The following CCNB1 variants were observed in gnomAD, a reference collection of about 807,000 sequenced individuals.
The protein encoded by CCNB1 is G2/mitotic-specific cyclin-B1.
CCNB1 carries 26 observed loss-of-function variants against 44.4 expected under a neutral mutation model. The ratio of observed to expected loss-of-function variants is 0.59; its 90% CI spans 0.43 to 0.81. CCNB1 has a LOEUF of 0.81. Ranked by LOEUF, CCNB1 falls within the 40% of genes least tolerant of loss-of-function variation. The pLI is 0.00. For missense variants in CCNB1, 477 were observed against 520.9 expected, an observed-to-expected ratio of 0.92 and a Z score of 0.82; for synonymous variants, 195 against 181.4, an observed-to-expected ratio of 1.08 and a Z score of -0.60.
At position 69,178,227 on chromosome 5, in the gene CCNB1, ACAATACT is replaced by A. The variant is rs1421906257; in HGVS notation, c.*600_*606del. Reference sequence around the variant, plus strand: ...TTGGTTTTGTGTTTTGGTTAATAAAACAATACTCAAATACAAAAGGTATCTTTTTTAA... The same window carrying A: ...TTGGTTTTGTGTTTTGGTTAATAAAACAAATACAAAAGGTATCTTTTTTAA... On this transcript the variant is annotated 3_prime_UTR_variant, in exon 9 of 9. Transcript: ENST00000256442. 9 of 151,914 alleles carry A rather than the reference ACAATACT, an allele frequency of 5.9e-5. No homozygotes were observed. The highest frequency in any genetic ancestry group is 1.3e-4 in the Non-Finnish European group (9 of 68,034). The allele number at this position is 151,914 out of a possible 1,614,324, so 9.4% of individuals were successfully genotyped here. A position where few individuals can be genotyped will look rare whatever the true frequency, so the allele number is the denominator to read the frequency against.
chr5:69,167,274 A>C lies in CCNB1; in HGVS notation c.12A>C (p.Arg4=). ...GTGAAGAGGAAGCCATGGCGCTCCG[A>C]GTCACCAGGGTGAGCCGCTTCGGAC... The part of the protein sequence containing the change: MAL[R]VTRNSKINAE... Residue 4 remains arginine (R), a synonymous_variant, in exon 1 of 9, where the codon CGA becomes CGC. Transcript: ENST00000256442. 6.3e-7 allele frequency: 1 copy of C among 1,579,876 alleles called. No individual in the cohort carries two copies. Among genetic ancestry groups the C allele is most frequent in the East Asian group, 2.3e-5 (1 of 43,190 alleles).
intron 3 of CCNB1, among the ~76,000 whole-genome samples, chr5:69,168,904 AAAT>A (rs1360619087): frequency 1.3e-5 from 2 of 152,216 alleles, no homozygotes; most frequent in African/African-American, 4.8e-5. Context: ...TTAGCCTCAA[AAAT>A]AATAACTTTT....
In CCNB1 at chr5:69,171,369, G is replaced by A. The variant is rs1480417685; in HGVS notation, c.463G>A (p.Asp155Asn). Reference protein sequence around the residue: ...AFSDVILAVNDVDAEDGADPN... With the variant: ...AFSDVILAVNNVDAEDGADPN... Reference sequence around the variant, plus strand: ...CTCTGATGTAATTCTTGCAGTAAATGATGTGGATGCAGAAGATGGAGCTGA... The same window carrying A: ...CTCTGATGTAATTCTTGCAGTAAATAATGTGGATGCAGAAGATGGAGCTGA... The change falls in exon 4 of 9, where the codon GAT becomes AAT. Residue 155 changes from aspartate (D) to asparagine (N), a missense_variant. Coordinates refer to ENST00000256442, the MANE Select transcript of CCNB1 (RefSeq NM_031966.4). 5 of 1,614,080 alleles carry A rather than the reference G, an allele frequency of 3.1e-6. No individual in the cohort carries two copies. Among genetic ancestry groups the A allele is most frequent in the Non-Finnish European group, 4.2e-6 (5 of 1,179,946 alleles).
intron 4 of CCNB1, among the ~76,000 whole-genome samples, chr5:69,172,584 T>G (rs1239106299): frequency 6.6e-6 from 1 of 151,986 alleles, no homozygotes; most frequent in South Asian, 2.1e-4. Context: ...TGTTGTCTTA[T>G]GTCATCACTG....
chr5:69,170,694 T>C (rs1747440709), intron 3 of CCNB1, among the ~76,000 whole-genome samples: 1 of 151,868 alleles, frequency 6.6e-6, no homozygotes, highest in African/African-American at 2.4e-5. Context: ...GGCGCAATCA[T>C]AGCTCACTGT....
Position 69,175,021 on chromosome 5 carries a change from C to A in CCNB1, c.850C>A (p.Gln284Lys). 2 of 1,614,162 alleles carry A rather than the reference C, an allele frequency of 1.2e-6. No homozygotes were observed. Among genetic ancestry groups the A allele is most frequent in the Non-Finnish European group, 1.7e-6 (2 of 1,180,012 alleles). Residue 284 changes from glutamine (Q) to lysine (K), a missense_variant, in exon 6 of 9, where the codon CAG (glutamine) becomes AAG (lysine). Gln to Lys is a moderately conservative substitution (Grantham distance 53). Transcript: ENST00000256442. ...DNTYTKHQIR[Q>K]MEMKILRALN... Reference sequence around the variant, plus strand: ...CACTTATACTAAGCACCAAATCAGACAGATGGAAATGAAGATTCTAAGAGC... The same window carrying A: ...CACTTATACTAAGCACCAAATCAGAAAGATGGAAATGAAGATTCTAAGAGC...
chr5:69,170,452 G>T (rs1747434933), intron 3 of CCNB1, among the ~76,000 whole-genome samples: 1 of 152,162 alleles, frequency 6.6e-6, no homozygotes, highest in Admixed American at 6.5e-5. Flanking sequence ...TTAGTAGTCA[G>T]GATAGAATTT....
Position 69,174,314 on chromosome 5 carries a change from A to G in CCNB1, c.610A>G (p.Ile204Val). 6.2e-7 allele frequency: 1 copy of G among 1,614,172 alleles called. No homozygotes were observed. Among genetic ancestry groups the G allele is most frequent in the Non-Finnish European group, 8.5e-7 (1 of 1,180,010 alleles). ...GGAAGTCACTGGAAACATGAGAGCCATCCTAATTGACTGGCTAGTACAGGT... is the reference window on the plus strand; with the variant it reads ...GGAAGTCACTGGAAACATGAGAGCCGTCCTAATTGACTGGCTAGTACAGGT... Reference protein sequence around the residue: ...GREVTGNMRAILIDWLVQVQM... With the variant: ...GREVTGNMRAVLIDWLVQVQM... Residue 204 changes from isoleucine (I) to valine (V), a missense_variant, in exon 5 of 9, where the codon ATC (isoleucine) becomes GTC (valine). By Grantham distance (29) the Ile-to-Val change is conservative (BLOSUM62 3). Transcript: ENST00000256442.
chr5:69,176,969 C>CAAA, intron 7 of CCNB1: 6 of 211,332 alleles, frequency 2.8e-5, no homozygotes, highest in East Asian at 1.0e-4. Flanking sequence ...GACTCCATCT[C>CAAA]AAAAAAAAAA....
intron 3 of CCNB1, among the ~76,000 whole-genome samples, chr5:69,169,152 C>T (rs1387853053): frequency 3.3e-5 from 5 of 152,084 alleles, no homozygotes; most frequent in Non-Finnish European, 2.9e-5. Flanking sequence ...CTCACTGCAA[C>T]CTCTGCCTCC....
At chr5:69,177,409 C>A in intron 8 of CCNB1, 60 bp downstream of exon 8, 1 of 1,257,042 alleles carries the variant, frequency 8.0e-7, no homozygotes, top group Non-Finnish European at 1.2e-6. Context: ...AACTTAATGC[C>A]TGCAAATGCC....
chr5:69,175,106 T>C lies in CCNB1; in HGVS notation c.935T>C (p.Ile312Thr), dbSNP rs370267052. The change falls in exon 6 of 9, where the codon ATT becomes ACT. Residue 312 changes from isoleucine (I) to threonine (T), a missense_variant. Coordinates refer to ENST00000256442, the MANE Select transcript of CCNB1 (RefSeq NM_031966.4). The stretch of plus-strand genomic sequence containing the variant: ...CACTTCCTTCGGAGAGCATCTAAGA[T>C]TGGAGAGGTACAGGTTTCTTGAGAA... Reference protein sequence around the residue: ...PLHFLRRASKIGEVDVEQHTL... With the variant: ...PLHFLRRASKTGEVDVEQHTL... The C allele has an allele frequency of 6.2e-7, 1 of 1,610,690 alleles. No homozygotes were observed.
chr5:69,174,133 A>C, intron 4 of CCNB1, 118 bp from the exon 5 acceptor site: 1 of 780,162 alleles, frequency 1.3e-6, no homozygotes. Context: ...AATTGAATTA[A>C]GAACTGATAT....
chr5:69,175,648 T>G, intron 7 of CCNB1, 111 bp downstream of exon 7: 1 of 979,042 alleles, frequency 1.0e-6, no homozygotes. Flanking sequence ...TGGGATCTAC[T>G]GAAGGAATAG....
chr5:69,177,993 A>G lies in CCNB1; in HGVS notation c.*362A>G, dbSNP rs952816918. On this transcript the variant is annotated 3_prime_UTR_variant, in exon 9 of 9. Coordinates refer to ENST00000256442, the MANE Select transcript of CCNB1 (RefSeq NM_031966.4). ...CATAGGACATACTGCATGTAAGCCA[A>G]GTCATGGAGAATCTGCTGCATAGCT... is the stretch of plus-strand genomic sequence containing the variant. 6.1e-6 allele frequency: 1 copy of G among 163,490 alleles called. No homozygotes were observed. The highest frequency in any genetic ancestry group is 1.3e-5 in the Non-Finnish European group (1 of 75,334). The allele number at this position is 163,490 out of a possible 1,614,324, so 10.1% of individuals were successfully genotyped here.
In CCNB1 at chr5:69,174,412, G is replaced by T. The variant is rs1197593719; in HGVS notation, c.705+3G>T. Reference sequence around the variant, plus strand: ...CCATTATTGATCGGTTCATGCAGGTGAGCATTTCAGTAAGAGTTTTCCCTT... The same window carrying T: ...CCATTATTGATCGGTTCATGCAGGTTAGCATTTCAGTAAGAGTTTTCCCTT... On this transcript the variant is annotated splice_donor_region_variant and intron_variant, in intron 5 of 8. Transcript: ENST00000256442. The T allele has an allele frequency of 1.8e-5, 29 of 1,612,474 alleles. No homozygotes were observed. Among genetic ancestry groups the T allele is most frequent in the Non-Finnish European group, 2.5e-5 (29 of 1,179,504 alleles).
chr5:69,168,816 G>A (rs1319613411), intron 3 of CCNB1, among the ~76,000 whole-genome samples: 1 of 152,188 alleles, frequency 6.6e-6, no homozygotes, highest in African/African-American at 2.4e-5. Context: ...TAATAAGCCT[G>A]TAACATTGGA....
In CCNB1 at chr5:69,174,305, A is replaced by T. The variant is rs1396807132; in HGVS notation, c.601A>T (p.Met201Leu). 1.9e-6 allele frequency: 3 copies of T among 1,614,140 alleles called. No individual in the cohort carries two copies. The highest frequency in any genetic ancestry group is 2.5e-6 in the Non-Finnish European group (3 of 1,179,990). ...YLLGREVTGN[M>L]RAILIDWLVQ... ...ACTGGGTCGGGAAGTCACTGGAAAC[A>T]TGAGAGCCATCCTAATTGACTGGCT... Residue 201 changes from methionine to leucine, a missense_variant, in exon 5 of 9, where the codon ATG becomes TTG. Coordinates refer to ENST00000256442, the MANE Select transcript of CCNB1 (RefSeq NM_031966.4).
At chr5:69,172,172 G>A (rs1202112115) in intron 4 of CCNB1, among the ~76,000 whole-genome samples, 2 of 151,962 alleles carry the variant, frequency 1.3e-5, no homozygotes, top group Non-Finnish European at 2.9e-5. Flanking sequence ...CTGTCTCCTG[G>A]GTTCAAGCAA....
Sources: gnomAD v4.1 joint callset for allele counts (sites outside exome capture counted in the v4.1 genomes callset) on GRCh38, gnomAD v4.1.1 for gene constraint, MANE v1.5 for transcripts, NCBI Gene and HGNC (gene_info 2026-07-23, HGNC 2026-07-21) for gene names.